The following ASAP1 variants were observed in gnomAD, a reference collection of about 807,000 sequenced individuals.
ASAP1 encodes the protein ArfGAP with SH3 domain, ankyrin repeat and PH domain 1.
In ASAP1, 43 loss-of-function variants were observed where a neutral mutation model predicts 145.2. The observed-to-expected ratio is 0.30, with a 90% CI of 0.23 to 0.38. ASAP1 has a LOEUF of 0.38. ASAP1 is among the 10% of genes least tolerant of loss of function. The pLI, the probability that ASAP1 is intolerant of heterozygous loss-of-function variation, is 1.00. For missense variants in ASAP1, 1,018 were observed against 1,355.3 expected, an observed-to-expected ratio of 0.75 and a Z score of 3.91; for synonymous variants, 546 against 515.5, an observed-to-expected ratio of 1.06 and a Z score of -0.80.
chr8:130,244,955 T>G (rs147296733), intron 3 of ASAP1, among the ~76,000 whole-genome samples: 9 of 152,178 alleles, frequency 5.9e-5, no homozygotes, highest in African/African-American at 2.2e-4. Context: ...GGAACTCCAA[T>G]TACAGCAGTT....
intron 5 of ASAP1, among the ~76,000 whole-genome samples, chr8:130,210,666 C>T (rs1816523983): frequency 1.3e-5 from 2 of 152,172 alleles, no homozygotes; most frequent in South Asian, 2.1e-4. Flanking sequence ...CCACATAATC[C>T]ATCAAGGCAA....
intron 18 of ASAP1, among the ~76,000 whole-genome samples, chr8:130,120,754 C>CT (rs1251737127): frequency 4.6e-5 from 7 of 152,204 alleles, no homozygotes; most frequent in Non-Finnish European, 8.8e-5. Flanking sequence ...CCTTAGGTCT[C>CT]TAATTCTGTG....
At chr8:130,256,709 T>G (rs1819535785) in intron 3 of ASAP1, among the ~76,000 whole-genome samples, 1 of 133,890 alleles carries the variant, frequency 7.5e-6, no homozygotes, top group Admixed American at 7.7e-5. Context: ...TAAAGAAAAT[T>G]CAAAATCTTC....
intron 3 of ASAP1, among the ~76,000 whole-genome samples, chr8:130,262,223 T>C (rs1252595474): frequency 6.6e-6 from 1 of 151,280 alleles, no homozygotes; most frequent in African/African-American, 2.4e-5. Flanking sequence ...CATGAAACCC[T>C]GTCTCTACTA....
intron 1 of ASAP1, among the ~76,000 whole-genome samples, chr8:130,438,629 AAATTT>A (rs1158759947): frequency 2.6e-5 from 4 of 152,104 alleles, no homozygotes; most frequent in Admixed American, 1.3e-4. Flanking sequence ...ATGGGTTGGT[AAATTT>A]AATTTTTTTC....
intron 24 of ASAP1, among the ~76,000 whole-genome samples, chr8:130,100,832 T>A (rs1007810392): frequency 6.6e-6 from 1 of 152,232 alleles, no homozygotes; most frequent in African/African-American, 2.4e-5. Context: ...GCAGAAGCTT[T>A]TTAGTTTGAT....
At chr8:130,229,167 G>C (rs1178048694) in intron 4 of ASAP1, among the ~76,000 whole-genome samples, 16 of 152,100 alleles carry the variant, frequency 1.1e-4, no homozygotes, top group Admixed American at 1.0e-3. Flanking sequence ...ACCCAAATGA[G>C]GCATCACAGA....
At chr8:130,107,180 CTTCTTT>C (rs1289166361) in intron 24 of ASAP1, among the ~76,000 whole-genome samples, 12 of 113,872 alleles carry the variant, frequency 1.1e-4, no homozygotes, top group Admixed American at 9.7e-4. Context: ...CTCTCTTCTT[CTTCTTT>C]TTTTTTTTTT....
chr8:130,174,069 CAGAGTGG>C (rs1813781771), intron 9 of ASAP1, among the ~76,000 whole-genome samples: 1 of 115,530 alleles, frequency 8.7e-6, no homozygotes, highest in Non-Finnish European at 1.6e-5. Context: ...ACCTGGGTGA[CAGAGTGG>C]CAAGACTCCG....
intron 12 of ASAP1, among the ~76,000 whole-genome samples, chr8:130,153,708 A>G (rs2097652378): frequency 6.6e-6 from 1 of 152,020 alleles, no homozygotes; most frequent in Admixed American, 6.6e-5. Flanking sequence ...AATAGAAACA[A>G]TAATAATCTA....
chr8:130,390,280 T>C (rs1378634550), intron 2 of ASAP1, among the ~76,000 whole-genome samples: 1 of 152,218 alleles, frequency 6.6e-6, no homozygotes, highest in Admixed American at 6.5e-5. Flanking sequence ...CGAAGCACAT[T>C]TTAAGTGCTC....
intron 13 of ASAP1, among the ~76,000 whole-genome samples, chr8:130,139,062 C>A (rs191052853): frequency 3.9e-5 from 6 of 152,122 alleles, no homozygotes; most frequent in African/African-American, 1.2e-4. Context: ...ATGGTGAGAA[C>A]AACTCTTGCT....
chr8:130,119,203 C>G (rs759975697), intron 18 of ASAP1, among the ~76,000 whole-genome samples: 1 of 152,158 alleles, frequency 6.6e-6, no homozygotes, highest in Non-Finnish European at 1.5e-5. Context: ...CTTGGCCTCC[C>G]AAAGAGTTGG....
chr8:130,388,356 G>A (rs562942608), intron 2 of ASAP1, among the ~76,000 whole-genome samples: 16 of 152,160 alleles, frequency 1.1e-4, no homozygotes, highest in East Asian at 1.9e-4. Context: ...GGAGATCAGC[G>A]GTGGCTGTAA....
chr8:130,167,752 G>A (rs769851014), intron 10 of ASAP1, 130 bp from the exon 11 acceptor site: 54 of 637,094 alleles, frequency 8.5e-5, no homozygotes, highest in Middle Eastern at 4.3e-4. Flanking sequence ...CCTTTATACT[G>A]TCTCATTTTT....
intron 3 of ASAP1, among the ~76,000 whole-genome samples, chr8:130,319,496 C>T (rs1322642209): frequency 6.6e-6 from 1 of 152,066 alleles, no homozygotes; most frequent in Non-Finnish European, 1.5e-5. Flanking sequence ...TATGGGAACA[C>T]TGAGTGGCAC....
At chr8:130,331,463 A>C (rs1421295076) in intron 3 of ASAP1, among the ~76,000 whole-genome samples, 1 of 152,228 alleles carries the variant, frequency 6.6e-6, no homozygotes, top group African/African-American at 2.4e-5. Context: ...CCAGAATGTT[A>C]AGTAAAGCAA....
At chr8:130,432,443 C>T (rs1474914037) in intron 1 of ASAP1, among the ~76,000 whole-genome samples, 1 of 152,078 alleles carries the variant, frequency 6.6e-6, no homozygotes, top group Non-Finnish European at 1.5e-5. Context: ...TTGGCTAAAG[C>T]CTAGGGTGAA....
chr8:130,171,210 A>G (rs1365632429), intron 9 of ASAP1, among the ~76,000 whole-genome samples: 2 of 151,882 alleles, frequency 1.3e-5, no homozygotes, highest in African/African-American at 4.8e-5. Flanking sequence ...TTTTCAATCC[A>G]TCCTTCCCCA....
Sources: allele counts gnomAD v4.1 joint callset (sites outside exome capture counted in the v4.1 genomes callset), GRCh38; gene constraint gnomAD v4.1.1; transcripts MANE v1.5; gene names NCBI Gene and HGNC (gene_info 2026-07-23, HGNC 2026-07-21).